The following CSGALNACT2 variants were observed in gnomAD, a reference collection of about 807,000 sequenced individuals.
CSGALNACT2 encodes the protein beta 4 GalNAcT-2.
CSGALNACT2 carries 35 observed loss-of-function variants against 55.3 expected under a neutral mutation model. The observed-to-expected ratio is 0.63, with a 90% CI of 0.48 to 0.84. The LOEUF (loss-of-function observed/expected upper bound fraction) is 0.84, where lower values mean the gene tolerates loss of function less well. Ranked by LOEUF, CSGALNACT2 falls within the 40% of genes least tolerant of loss-of-function variation. CSGALNACT2 has a pLI of 0.00. For synonymous variants in CSGALNACT2, 196 were observed against 224.9 expected, an observed-to-expected ratio of 0.87 and a Z score of 1.15; for missense variants, 544 against 657.5, an observed-to-expected ratio of 0.83 and a Z score of 1.89.
intron 1 of CSGALNACT2, among the ~76,000 whole-genome samples, chr10:43,146,617 A>G (rs1033375102): frequency 2.6e-5 from 4 of 152,068 alleles, no homozygotes; most frequent in Admixed American, 2.6e-4. Flanking sequence ...GTAGCCCCAG[A>G]TACTCGGGAA....
intron 4 of CSGALNACT2, chr10:43,163,611 C>T: frequency 2.0e-6 from 2 of 985,386 alleles, no homozygotes; most frequent in Non-Finnish European, 2.4e-6. Context: ...GTTTAAGATT[C>T]CAAAGGTCAG....
Position 43,155,204 on chromosome 10 carries a change from C to A in CSGALNACT2, c.55C>A (p.Leu19Ile). 1 of 1,614,140 alleles carries A rather than the reference C, an allele frequency of 6.2e-7. No individual in the cohort carries two copies. Among genetic ancestry groups the A allele is most frequent in the African/African-American group, 1.3e-5 (1 of 75,024 alleles). The change falls in exon 2 of 8, where the codon CTT (leucine) becomes ATT (isoleucine). Residue 19 changes from leucine (L) to isoleucine (I), a missense_variant. By Grantham distance (5) the Leu-to-Ile change is conservative (BLOSUM62 2). Transcript: ENST00000374466. ...HTRTHWLLLG[L>I]ALLCSLVLFM... ...CCGGACCCACTGGTTGCTGTTGGGC[C>A]TTGCTTTGCTCTGCAGTTTGGTATT...
chr10:43,149,444 T>C (rs1201957071), intron 1 of CSGALNACT2, among the ~76,000 whole-genome samples: 3 of 152,186 alleles, frequency 2.0e-5, no homozygotes, highest in Non-Finnish European at 4.4e-5. Flanking sequence ...GCTTTTTCCA[T>C]GTCTGTTGAG....
At chr10:43,161,021 C>A (rs1177838548) in intron 4 of CSGALNACT2, among the ~76,000 whole-genome samples, 1 of 152,138 alleles carries the variant, frequency 6.6e-6, no homozygotes, top group Non-Finnish European at 1.5e-5. Flanking sequence ...TCTGAAGTGC[C>A]CAGCCACTAC....
intron 6 of CSGALNACT2, among the ~76,000 whole-genome samples, chr10:43,167,759 A>G (rs1839297113): frequency 1.3e-5 from 2 of 152,156 alleles, no homozygotes; most frequent in African/African-American, 4.8e-5. Flanking sequence ...CAGTTTTTCT[A>G]CTAATGTCCT....
At position 43,175,956 on chromosome 10, in the gene CSGALNACT2, C is replaced by CT; in HGVS notation, c.1260_1261insT (p.Lys421Ter). The CT allele has an allele frequency of 6.3e-7, 1 of 1,593,718 alleles. No homozygotes were observed. The highest frequency in any genetic ancestry group is 8.5e-7 in the Non-Finnish European group (1 of 1,173,022). On this transcript the variant is annotated frameshift_variant, in exon 7 of 8. Transcript: ENST00000374466. LOFTEE classifies it high-confidence loss of function. ...TTTTTTTTTTTTTAACTAAGGTTCA[C>CT]AAAAAGGATTCTGGCTTTTGGCGAG...
chr10:43,183,302 T>C lies in CSGALNACT2; in HGVS notation c.1389T>C (p.Tyr463=), dbSNP rs1564523372. ...KGWGGEDVHL[Y]RKYLHGDLIV... ...GGGGTGGAGAAGATGTTCATCTTTA[T>C]CGAAAATACTTACATGGTGACCTCA... Residue 463 remains tyrosine, a synonymous_variant, in exon 8 of 8, where the codon TAT becomes TAC. Coordinates refer to ENST00000374466, the MANE Select transcript of CSGALNACT2 (RefSeq NM_018590.5). 6.2e-7 allele frequency: 1 copy of C among 1,613,852 alleles called. No homozygotes were observed. Among genetic ancestry groups the C allele is most frequent in the Non-Finnish European group, 8.5e-7 (1 of 1,179,732 alleles).
At chr10:43,168,977 A>G (rs1839328556) in intron 6 of CSGALNACT2, among the ~76,000 whole-genome samples, 1 of 152,324 alleles carries the variant, frequency 6.6e-6, no homozygotes, top group Non-Finnish European at 1.5e-5. Context: ...GCTGCTTTGC[A>G]TCCTCTGAGC....
chr10:43,173,978 G>A (rs1223533724), intron 6 of CSGALNACT2, among the ~76,000 whole-genome samples: 2 of 152,148 alleles, frequency 1.3e-5, no homozygotes, highest in African/African-American at 2.4e-5. Flanking sequence ...GGGCAACACA[G>A]TGAGACTCTG....
chr10:43,162,512 C>T, intron 4 of CSGALNACT2: 1 of 985,370 alleles, frequency 1.0e-6, no homozygotes, highest in African/African-American at 1.7e-5. Context: ...GGCAGTTTTC[C>T]CCCAACAGAG....
rs1349178547 is a variant in CSGALNACT2 at position 43,166,743 on chromosome 10, T to TC, written c.1160-257dup. ...ATGACTCACGTAATGAATACACATC[T>TC]CCCCAAAGTCAAAGGGAATAAACGT... On this transcript the variant is annotated intron_variant, in intron 5 of 7. Coordinates refer to ENST00000374466, the MANE Select transcript of CSGALNACT2 (RefSeq NM_018590.5). Among the ~76,000 whole-genome samples, 4 of 152,300 alleles carry TC rather than the reference T, an allele frequency of 2.6e-5. No individual in the cohort carries two copies. The East Asian group carries it at 7.7e-4, about 29-fold the overall frequency.
intron 4 of CSGALNACT2, chr10:43,162,278 G>A: frequency 1.7e-6 from 1 of 575,574 alleles, no homozygotes; most frequent in South Asian, 1.4e-5. Flanking sequence ...CCATCAGAGA[G>A]GAAAGAGCTT....
In CSGALNACT2 at chr10:43,155,694, A is replaced by G. The variant is rs1195830394; in HGVS notation, c.545A>G (p.Glu182Gly). Reference sequence around the variant, plus strand: ...AAAGACAAACGAGATGAATTGGTGGAAGTTATTGAAGCGGGCTTGGAGGTC... The same window carrying G: ...AAAGACAAACGAGATGAATTGGTGGGAGTTATTGAAGCGGGCTTGGAGGTC... ...VRKDKRDELV[E>G]VIEAGLEVIN... Residue 182 changes from glutamate (E) to glycine (G), a missense_variant, in exon 2 of 8, where the codon GAA becomes GGA. Coordinates refer to ENST00000374466, the MANE Select transcript of CSGALNACT2 (RefSeq NM_018590.5). 1 of 1,614,204 alleles carries G rather than the reference A, an allele frequency of 6.2e-7. No individual in the cohort carries two copies.
At position 43,164,032 on chromosome 10, in the gene CSGALNACT2, A is replaced by G; in HGVS notation, c.1147A>G (p.Asn383Asp). The change falls in exon 5 of 8, where the codon AAT becomes GAT. Residue 383 changes from asparagine to aspartate, a missense_variant. Asn to Asp is a conservative substitution (Grantham distance 23). Transcript: ENST00000374466. The stretch of plus-strand genomic sequence containing the variant: ...CGAATTCCTTAACAGCTGCCGGTTA[A>G]ATGCTGAGCCAGGTGCGTAAAATGT... ...SAEFLNSCRL[N>D]AEPGKKVFYP... 6.2e-7 allele frequency: 1 copy of G among 1,612,968 alleles called. No individual in the cohort carries two copies. Among genetic ancestry groups the G allele is most frequent in the Non-Finnish European group, 8.5e-7 (1 of 1,179,362 alleles).
At position 43,175,957 on chromosome 10, in the gene CSGALNACT2, A is replaced by G; in HGVS notation, c.1261A>G (p.Lys421Glu). Residue 421 changes from lysine (K) to glutamate (E), a missense_variant, in exon 7 of 8, where the codon AAA becomes GAA. Physicochemically the swap from Lys to Glu is moderately conservative, Grantham distance 56. Around this residue, in one of 2 missense-constraint regions of CSGALNACT2, gnomAD observed 170 missense variants for 256.2 expected, o/e 0.66. Transcript: ENST00000374466. The part of the protein sequence containing the change: ...PPPVEQQLVH[K>E]KDSGFWRDFG... Reference sequence around the variant, plus strand: ...TTTTTTTTTTTTAACTAAGGTTCACAAAAAGGATTCTGGCTTTTGGCGAGA... The same window carrying G: ...TTTTTTTTTTTTAACTAAGGTTCACGAAAAGGATTCTGGCTTTTGGCGAGA... The G allele has an allele frequency of 6.2e-7, 1 of 1,603,648 alleles. No individual in the cohort carries two copies. The highest frequency in any genetic ancestry group is 8.5e-7 in the Non-Finnish European group (1 of 1,177,368).
intron 6 of CSGALNACT2, among the ~76,000 whole-genome samples, chr10:43,170,885 C>G (rs1275711707): frequency 6.6e-6 from 1 of 152,194 alleles, no homozygotes; most frequent in Non-Finnish European, 1.5e-5. Context: ...AAAGCTGCAG[C>G]AAGCCCACAT....
chr10:43,145,089 C>T (rs1296178534), intron 1 of CSGALNACT2, among the ~76,000 whole-genome samples: 1 of 152,168 alleles, frequency 6.6e-6, no homozygotes, highest in East Asian at 1.9e-4. Context: ...GGGCTCTACA[C>T]CTAGAAGCTG....
intron 6 of CSGALNACT2, among the ~76,000 whole-genome samples, chr10:43,167,589 T>G (rs2133136742): frequency 6.6e-6 from 1 of 152,234 alleles, no homozygotes; most frequent in East Asian, 1.9e-4. Context: ...AAACATTATT[T>G]TATAATAATT....
intron 6 of CSGALNACT2, among the ~76,000 whole-genome samples, chr10:43,167,674 A>T (rs1839295545): frequency 6.6e-6 from 1 of 152,152 alleles, no homozygotes; most frequent in African/African-American, 2.4e-5. Context: ...CTAACATCTT[A>T]TGTAACCATG....
Sources: gnomAD v4.1 joint callset for allele counts (sites outside exome capture counted in the v4.1 genomes callset) on GRCh38, gnomAD v4.1.1 for gene constraint, gnomAD v4.1.1 regional missense constraint, MANE v1.5 for transcripts, NCBI Gene and HGNC (gene_info 2026-07-23, HGNC 2026-07-21) for gene names.